The following ARHGAP18 variants were observed in gnomAD, a reference collection of about 807,000 sequenced individuals.
The protein encoded by ARHGAP18 is rho GTPase-activating protein 18.
Under a neutral mutation model 86.2 loss-of-function variants are expected in ARHGAP18, and 67 were observed. The observed-to-expected ratio is 0.78, with a 90% CI of 0.64 to 0.95. ARHGAP18 has a LOEUF of 0.95. ARHGAP18 is among the 40% of genes least tolerant of loss of function. The pLI is 0.00. For missense variants in ARHGAP18, 691 were observed against 780.4 expected (o/e 0.89, Z 1.37); for synonymous variants, 283 against 280.4 (o/e 1.01, Z -0.09).
intron 12 of ARHGAP18, among the ~76,000 whole-genome samples, chr6:129,587,713 C>T (rs1354289747): frequency 6.6e-6 from 1 of 152,112 alleles, no homozygotes; most frequent in Admixed American, 6.5e-5. Context: ...CCCCATGATT[C>T]AATTACCTCC....
chr6:129,685,750 C>CT (rs34040911), intron 1 of ARHGAP18, among the ~76,000 whole-genome samples: 29 of 149,892 alleles, frequency 1.9e-4, no homozygotes, highest in East Asian at 5.9e-4. Flanking sequence ...TACAAGGCAG[C>CT]TTTTTTTTTT....
At chr6:129,695,664 C>G (rs531452512) in intron 1 of ARHGAP18, among the ~76,000 whole-genome samples, 89 of 152,236 alleles carry the variant, frequency 5.8e-4, no homozygotes, top group African/African-American at 1.9e-3. Flanking sequence ...ACACTAAAAT[C>G]TTAGCAATTC....
chr6:129,613,232 C>CA (rs71028167), intron 7 of ARHGAP18, among the ~76,000 whole-genome samples: 27,497 of 93,778 alleles, frequency 0.29, 3,396 homozygotes, highest in Non-Finnish European at 0.33. Flanking sequence ...GACTCTGTCT[C>CA]AAAAAAAAAA....
chr6:129,602,633 C>T (rs1343251318), intron 10 of ARHGAP18, among the ~76,000 whole-genome samples: 4 of 151,982 alleles, frequency 2.6e-5, no homozygotes, highest in African/African-American at 9.7e-5. Context: ...ATTTCTAGTA[C>T]AGTGCTCAGG....
intron 1 of ARHGAP18, among the ~76,000 whole-genome samples, chr6:129,686,719 T>C (rs553236145): frequency 6.6e-6 from 1 of 152,356 alleles, no homozygotes; most frequent in Admixed American, 6.5e-5. Flanking sequence ...TTTCTCCAGA[T>C]TGATATATTT....
chr6:129,652,600 C>G (rs773821809), intron 1 of ARHGAP18, among the ~76,000 whole-genome samples: 6 of 152,214 alleles, frequency 3.9e-5, no homozygotes, highest in Non-Finnish European at 8.8e-5. Flanking sequence ...TGCCAACACA[C>G]CTTAAACATG....
At chr6:129,670,048 T>C (rs1246693781) in intron 1 of ARHGAP18, among the ~76,000 whole-genome samples, 1 of 152,236 alleles carries the variant, frequency 6.6e-6, no homozygotes, top group Non-Finnish European at 1.5e-5. Context: ...TTATCTCTTA[T>C]ACTTTGTATA....
chr6:129,625,914 T>G (rs868713661), intron 5 of ARHGAP18, among the ~76,000 whole-genome samples: 3 of 100,634 alleles, frequency 3.0e-5, no homozygotes, highest in African/African-American at 1.3e-4. Flanking sequence ...ATATATTATA[T>G]ATTATAGATA....
intron 1 of ARHGAP18, among the ~76,000 whole-genome samples, chr6:129,648,725 C>G (rs541883523): frequency 3.1e-4 from 43 of 138,276 alleles, no homozygotes; most frequent in African/African-American, 1.3e-3. Flanking sequence ...TACATTATCT[C>G]TATGTTAGAA....
intron 10 of ARHGAP18, among the ~76,000 whole-genome samples, chr6:129,603,929 G>A (rs1261445680): frequency 1.3e-5 from 2 of 152,216 alleles, no homozygotes; most frequent in Non-Finnish European, 2.9e-5. Flanking sequence ...CTGTCCTTCA[G>A]ATGACAACTG....
intron 1 of ARHGAP18, among the ~76,000 whole-genome samples, chr6:129,688,421 T>C (rs1337054064): frequency 6.6e-6 from 1 of 152,212 alleles, no homozygotes; most frequent in Non-Finnish European, 1.5e-5. Context: ...CTTATCATCC[T>C]TAGTAGAAAA....
intron 1 of ARHGAP18, among the ~76,000 whole-genome samples, chr6:129,685,978 T>C (rs575507836): frequency 6.6e-6 from 1 of 152,320 alleles, no homozygotes; most frequent in African/African-American, 2.4e-5. Flanking sequence ...GAAAAATGCT[T>C]CTTCAGCCCT....
At chr6:129,667,980 G>A (rs1167993230) in intron 1 of ARHGAP18, among the ~76,000 whole-genome samples, 2 of 152,170 alleles carry the variant, frequency 1.3e-5, no homozygotes, top group African/African-American at 2.4e-5. Context: ...AAGTAAAATG[G>A]AAGTGAGGAA....
Position 129,709,392 on chromosome 6 carries a change from G to A in ARHGAP18, c.113+632C>T, listed in dbSNP as rs570389145. On this transcript the variant is annotated intron_variant, in intron 1 of 14. Coordinates refer to ENST00000368149, the MANE Select transcript of ARHGAP18 (RefSeq NM_033515.3). ...AACATTTGCCCTCTCTGCCTATAAAGTGATTTAACATTAACCACATTTCAC... is the reference window on the plus strand; with the variant it reads ...AACATTTGCCCTCTCTGCCTATAAAATGATTTAACATTAACCACATTTCAC... Among the ~76,000 whole-genome samples, 11 of 152,262 alleles carry A rather than the reference G, an allele frequency of 7.2e-5. No individual in the cohort carries two copies. In the South Asian group the frequency reaches 2.3e-3, roughly 32 times the overall value.
At chr6:129,652,231 G>T (rs1217984197) in intron 1 of ARHGAP18, among the ~76,000 whole-genome samples, 1 of 152,176 alleles carries the variant, frequency 6.6e-6, no homozygotes, top group East Asian at 1.9e-4. Context: ...TATTAAAGTT[G>T]TTCTTTCCCA....
chr6:129,619,629 G>A (rs1399754649), intron 5 of ARHGAP18, among the ~76,000 whole-genome samples: 1 of 87,930 alleles, frequency 1.1e-5, no homozygotes, highest in Non-Finnish European at 2.4e-5. Flanking sequence ...GAGGGGACGG[G>A]AAGGGGATGG....
At position 129,634,039 on chromosome 6, in the gene ARHGAP18, T is replaced by C; in HGVS notation, c.616+3A>G. 6.2e-7 allele frequency: 1 copy of C among 1,605,540 alleles called. No homozygotes were observed. Among genetic ancestry groups the C allele is most frequent in the Non-Finnish European group, 8.5e-7 (1 of 1,175,018 alleles). On this transcript the variant is annotated splice_donor_region_variant and intron_variant, in intron 4 of 14. Coordinates refer to ENST00000368149, the MANE Select transcript of ARHGAP18 (RefSeq NM_033515.3). ...AAAAAACAAGAGAACAGGTTCAACATACCATCTCTTCCTTGGTATTTGTTT... is the reference window on the plus strand; with the variant it reads ...AAAAAACAAGAGAACAGGTTCAACACACCATCTCTTCCTTGGTATTTGTTT...
intron 5 of ARHGAP18, among the ~76,000 whole-genome samples, chr6:129,628,345 G>C (rs1448200764): frequency 6.6e-6 from 1 of 152,218 alleles, no homozygotes; most frequent in African/African-American, 2.4e-5. Flanking sequence ...AGGAATAATA[G>C]AATTTTAAAA....
chr6:129,604,141 G>C (rs1396636149), intron 10 of ARHGAP18, among the ~76,000 whole-genome samples: 1 of 151,968 alleles, frequency 6.6e-6, no homozygotes, highest in Non-Finnish European at 1.5e-5. Context: ...AGTCACTAAA[G>C]CTTAAGTAAA....
Sources: allele counts gnomAD v4.1 joint callset (sites outside exome capture counted in the v4.1 genomes callset), GRCh38; gene constraint gnomAD v4.1.1; transcripts MANE v1.5; gene names NCBI Gene and HGNC (gene_info 2026-07-23, HGNC 2026-07-21).